The following CCDC7 variants were observed in gnomAD, a reference collection of about 807,000 sequenced individuals.
CCDC7 encodes the protein coiled-coil domain containing 7.
CCDC7 carries 183 observed loss-of-function variants against 196.9 expected under a neutral mutation model. The ratio of observed to expected loss-of-function variants is 0.93; its 90% CI spans 0.82 to 1.05. The LOEUF is 1.05. Among genes scored for constraint, CCDC7 ranks in the 50% least tolerant of loss-of-function variants. The pLI is 0.00. For synonymous variants in CCDC7, 525 were observed against 484.6 expected (o/e 1.08, Z -1.10); for missense variants, 1,540 against 1,482.2 (o/e 1.04, Z -0.64).
intron 20 of CCDC7, among the ~76,000 whole-genome samples, chr10:32,641,846 C>G (rs1173767136): frequency 2.0e-5 from 3 of 152,140 alleles, no homozygotes; most frequent in African/African-American, 4.8e-5. Context: ...GATGTCCTTT[C>G]CGTTTGTTAG....
intron 28 of CCDC7, among the ~76,000 whole-genome samples, chr10:32,770,388 A>G (rs2078994561): frequency 6.6e-6 from 1 of 152,146 alleles, no homozygotes; most frequent in South Asian, 2.1e-4. Context: ...ATCATTCAGG[A>G]GCATGTTGTT....
chr10:32,754,981 G>T (rs547544891), intron 28 of CCDC7, among the ~76,000 whole-genome samples: 1 of 152,164 alleles, frequency 6.6e-6, no homozygotes, highest in Non-Finnish European at 1.5e-5. Context: ...TCCCGCGCTG[G>T]CTTGGAGGGT....
chr10:32,453,540 A>G, intron 2 of CCDC7, 104 bp downstream of exon 3: 1 of 714,698 alleles, frequency 1.4e-6, no homozygotes, highest in Non-Finnish European at 1.9e-6. Flanking sequence ...TACTTATTAT[A>G]TCCTCAGAAT....
At chr10:32,637,939 C>A (rs1221971393) in intron 20 of CCDC7, among the ~76,000 whole-genome samples, 1 of 152,116 alleles carries the variant, frequency 6.6e-6, no homozygotes, top group Non-Finnish European at 1.5e-5. Context: ...TTGAAGAGGT[C>A]CTTCACATCC....
chr10:32,642,656 C>T (rs2067047283), intron 20 of CCDC7, among the ~76,000 whole-genome samples: 1 of 151,946 alleles, frequency 6.6e-6, no homozygotes, highest in African/African-American at 2.4e-5. Flanking sequence ...TGCCCCGCAC[C>T]CACTGTCCTG....
chr10:32,565,045 T>C (rs2056557135), intron 13 of CCDC7, among the ~76,000 whole-genome samples: 1 of 152,194 alleles, frequency 6.6e-6, no homozygotes, highest in Non-Finnish European at 1.5e-5. Flanking sequence ...TTGATACTTG[T>C]ATTTAGTCCA....
At chr10:32,672,401 T>C (rs2074226648) in intron 21 of CCDC7, among the ~76,000 whole-genome samples, 1 of 152,128 alleles carries the variant, frequency 6.6e-6, no homozygotes, top group Non-Finnish European at 1.5e-5. Flanking sequence ...CGATTCCCAA[T>C]GTCTGAGGTG....
In CCDC7 at chr10:32,660,171, T is replaced by A. The variant is rs572331775; in HGVS notation, c.2015-3883T>A. 2.0e-5 allele frequency among the ~76,000 whole-genome samples: 3 copies of A among 150,494 alleles called. No individual in the cohort carries two copies. In the East Asian group the frequency reaches 5.9e-4, roughly 30 times the overall value. ...TTAAGTTTTAGGGTACATGTGCACATTGTGCAGGTTAGTTACATATGTATA... is the reference window on the plus strand; with the variant it reads ...TTAAGTTTTAGGGTACATGTGCACAATGTGCAGGTTAGTTACATATGTATA... On this transcript the variant is annotated intron_variant, in intron 20 of 41. Transcript: ENST00000639629.
intron 8 of CCDC7, among the ~76,000 whole-genome samples, chr10:32,476,707 T>C (rs537633240): frequency 6.6e-6 from 1 of 152,366 alleles, no homozygotes; most frequent in East Asian, 1.9e-4. Context: ...TTGCTCCATA[T>C]CTTTGTCAGC....
intron 18 of CCDC7, among the ~76,000 whole-genome samples, chr10:32,584,987 C>A (rs746116893): frequency 3.3e-5 from 5 of 151,914 alleles, no homozygotes; most frequent in Non-Finnish European, 7.4e-5. Flanking sequence ...GTTTGATATA[C>A]GGTTAAAAGC....
intron 21 of CCDC7, among the ~76,000 whole-genome samples, chr10:32,667,619 A>T (rs1016560733): frequency 6.6e-6 from 1 of 152,194 alleles, no homozygotes; most frequent in Non-Finnish European, 1.5e-5. Flanking sequence ...CATTTATTAA[A>T]TAGGGAATCC....
At chr10:32,652,017 G>C (rs2068849910) in intron 20 of CCDC7, among the ~76,000 whole-genome samples, 2 of 152,066 alleles carry the variant, frequency 1.3e-5, no homozygotes, top group African/African-American at 4.8e-5. Context: ...GTGTAGTGTT[G>C]AATTCCCCTC....
At chr10:32,529,205 T>C (rs1255960744) in intron 11 of CCDC7, among the ~76,000 whole-genome samples, 1 of 152,010 alleles carries the variant, frequency 6.6e-6, no homozygotes, top group Non-Finnish European at 1.5e-5. Flanking sequence ...GTATTTTTAG[T>C]AGAGATGGGG....
At chr10:32,828,495 G>GAAGAAGAAGAAGAAGAAGAAGAAC (rs1565634495) in intron 32 of CCDC7, among the ~76,000 whole-genome samples, 1 of 94,774 alleles carries the variant, frequency 1.1e-5, no homozygotes, top group South Asian at 3.6e-4. Context: ...GGAAGAAGAA[G>GAAGAAGAAGAAGAAGAAGAAGAAC]AAGAAGAAGA....
At chr10:32,864,004 T>A (rs1474917285) in intron 41 of CCDC7, among the ~76,000 whole-genome samples, 10 of 146,162 alleles carry the variant, frequency 6.8e-5, no homozygotes, top group Non-Finnish European at 1.1e-4. Flanking sequence ...AAAAAAAAAA[T>A]TTGCAAACCG....
rs868241010 is a variant in CCDC7 at position 32,871,774 on chromosome 10, A to G, written c.4112-4573A>G. ...TTTCCCTCTACACACTGCTTTGAAT[A>G]TGTCCCAGAGATTCTGGTATGTTGT... On this transcript the variant is annotated intron_variant, in intron 41 of 41. Coordinates refer to ENST00000639629, the Ensembl canonical transcript of CCDC7. Among the ~76,000 whole-genome samples, 28 of 151,956 alleles carry G rather than the reference A, an allele frequency of 1.8e-4. No individual in the cohort carries two copies. The South Asian group carries it at 5.0e-3, about 27-fold the overall frequency.
intron 9 of CCDC7, among the ~76,000 whole-genome samples, chr10:32,495,584 G>C (rs1217926455): frequency 2.0e-5 from 3 of 152,176 alleles, no homozygotes; most frequent in Non-Finnish European, 2.9e-5. Flanking sequence ...GTAAGGAAGG[G>C]ATCCCAGTTT....
At chr10:32,764,996 A>G (rs973655370) in intron 28 of CCDC7, among the ~76,000 whole-genome samples, 4 of 149,434 alleles carry the variant, frequency 2.7e-5, no homozygotes, top group Admixed American at 1.4e-4. Flanking sequence ...TGGTCAGTCT[A>G]CTAAATTCTT....
intron 24 of CCDC7, among the ~76,000 whole-genome samples, chr10:32,700,845 G>T (rs1176203235): frequency 1.3e-5 from 2 of 152,092 alleles, no homozygotes; most frequent in Non-Finnish European, 2.9e-5. Context: ...CTCACGATTT[G>T]GCTCTCTGTT....
Sources: allele counts gnomAD v4.1 joint callset (sites outside exome capture counted in the v4.1 genomes callset), GRCh38; gene constraint gnomAD v4.1.1; transcripts MANE v1.5; gene names NCBI Gene and HGNC (gene_info 2026-07-23, HGNC 2026-07-21).